CYFIP1: variants seen among roughly 807,000 people sequenced by gnomAD.
CYFIP1 encodes cytoplasmic FMR1 interacting protein 1.
Under a neutral mutation model 163.5 loss-of-function variants are expected in CYFIP1, and 58 were observed. The observed-to-expected ratio is 0.35, with a 90% CI of 0.29 to 0.44. The LOEUF (loss-of-function observed/expected upper bound fraction) is 0.44, where lower values mean the gene tolerates loss of function less well. Ranked by LOEUF, CYFIP1 falls within the 20% of genes least tolerant of loss-of-function variation. The probability of loss-of-function intolerance (pLI) is 1.00; values close to 1 mark genes in which losing one functional copy is unlikely to be tolerated. For missense variants in CYFIP1, 1,338 were observed against 1,653.8 expected, an observed-to-expected ratio of 0.81 and a Z score of 3.31; for synonymous variants, 663 against 660.7, an observed-to-expected ratio of 1.00 and a Z score of -0.05.
intron 1 of CYFIP1, among the ~76,000 whole-genome samples, chr15:22,969,539 C>A (rs1385553748): frequency 6.6e-6 from 1 of 152,282 alleles, no homozygotes; most frequent in South Asian, 2.1e-4. Context: ...GCTCTGAAAT[C>A]CTTCTATTAG....
chr15:22,893,668 T>C (rs974812208), intron 22 of CYFIP1, among the ~76,000 whole-genome samples: 8 of 152,192 alleles, frequency 5.3e-5, no homozygotes, highest in Admixed American at 1.3e-4. Context: ...CCACACAATG[T>C]GTGCATCTGA....
chr15:22,887,691 C>A (rs2059964099), intron 23 of CYFIP1, among the ~76,000 whole-genome samples: 2 of 152,144 alleles, frequency 1.3e-5, no homozygotes, highest in South Asian at 4.1e-4. Flanking sequence ...AGAGACAACA[C>A]AGCTAGGGTA....
intron 12 of CYFIP1, among the ~76,000 whole-genome samples, chr15:22,926,975 T>C (rs1179698746): frequency 6.6e-6 from 1 of 152,224 alleles, no homozygotes; most frequent in Non-Finnish European, 1.5e-5. Context: ...ACATGTATCC[T>C]GAAACTATGT....
At position 22,914,881 on chromosome 15, in the gene CYFIP1, T is replaced by A; in HGVS notation, c.1830A>T (p.Glu610Asp). The change falls in exon 17 of 31, where the codon GAA becomes GAT. Residue 610 changes from glutamate to aspartate, a missense_variant and splice_region_variant. Coordinates refer to ENST00000617928, the MANE Select transcript of CYFIP1 (RefSeq NM_014608.6). ...FFYTHLINFS[E>D]TLQQCCDLSQ... ...AAAGGTCACAGCACTGCTGCAGCGTTTCTGGGAGGGTTCAAACAACTCCAT... is the reference window on the plus strand; with the variant it reads ...AAAGGTCACAGCACTGCTGCAGCGTATCTGGGAGGGTTCAAACAACTCCAT... The A allele has an allele frequency of 6.2e-7, 1 of 1,605,580 alleles. No individual in the cohort carries two copies. Among genetic ancestry groups the A allele is most frequent in the Non-Finnish European group, 8.5e-7 (1 of 1,176,784 alleles).
chr15:22,926,324 G>A (rs2061356631), intron 12 of CYFIP1, among the ~76,000 whole-genome samples: 1 of 152,112 alleles, frequency 6.6e-6, no homozygotes, highest in African/African-American at 2.4e-5. Context: ...CCGGCAAAAT[G>A]GCCTGGATAG....
chr15:22,946,159 A>G (rs548734935), intron 3 of CYFIP1, among the ~76,000 whole-genome samples: 2 of 151,950 alleles, frequency 1.3e-5, no homozygotes, highest in East Asian at 3.9e-4. Context: ...AAAAAAGTAG[A>G]TGGGCATGGT....
In CYFIP1 at chr15:22,870,192, G is replaced by C; in HGVS notation, c.3598C>G (p.Pro1200Ala). 1.9e-6 allele frequency: 3 copies of C among 1,604,436 alleles called. No homozygotes were observed. Among genetic ancestry groups the C allele is most frequent in the Non-Finnish European group, 2.5e-6 (3 of 1,176,574 alleles). Residue 1200 changes from proline (P) to alanine (A), a missense_variant and splice_region_variant, in exon 31 of 31, where the codon CCT (proline) becomes GCT (alanine). Transcript: ENST00000617928. The part of the protein sequence containing the change: ...DGKDEIIKNV[P>A]LKKMVERIRK... ...ATTCTCTCCACCATCTTCTTCAAAG[G>C]CTACAACCATCAAAGTGAGGATGTT...
chr15:22,913,255 G>T (rs1454956689), intron 17 of CYFIP1, among the ~76,000 whole-genome samples: 1 of 150,792 alleles, frequency 6.6e-6, no homozygotes, highest in Non-Finnish European at 1.5e-5. Context: ...TGGACTGGGC[G>T]CGGTGACTCA....
chr15:22,885,255 A>G (rs1262533576), intron 23 of CYFIP1, among the ~76,000 whole-genome samples: 1 of 152,160 alleles, frequency 6.6e-6, no homozygotes, highest in Non-Finnish European at 1.5e-5. Context: ...CTCCAATTTC[A>G]GATCTCTCTC....
intron 10 of CYFIP1, 40 bp from the exon 11 acceptor site, chr15:22,932,380 C>A: frequency 6.9e-7 from 1 of 1,459,260 alleles, no homozygotes; most frequent in East Asian, 2.5e-5. Flanking sequence ...TGCGGAGGCG[C>A]CGGCAGGCCA....
intron 26 of CYFIP1, chr15:22,875,482 T>C (rs903870176): frequency 1.6e-5 from 9 of 579,126 alleles, no homozygotes; most frequent in Non-Finnish European, 2.5e-5. Context: ...TAGTAAGTAC[T>C]TGGAATGTGG....
chr15:22,872,001 A>G (rs902055096), intron 30 of CYFIP1, among the ~76,000 whole-genome samples: 3 of 152,126 alleles, frequency 2.0e-5, no homozygotes, highest in Non-Finnish European at 4.4e-5. Context: ...GCAATAGAAA[A>G]CTAATACAAC....
chr15:22,972,565 CAACTGATTTTTAACAAAGGTGCCAAG>C (rs1168830308), intron 1 of CYFIP1, among the ~76,000 whole-genome samples: 1 of 152,128 alleles, frequency 6.6e-6, no homozygotes, highest in Non-Finnish European at 1.5e-5. Context: ...CATTTGCAGC[CAACTGATTTTTAACAAAGGTGCCAAG>C]AACACACAAT....
chr15:22,946,806 T>C (rs1047823911), intron 3 of CYFIP1, 197 bp downstream of exon 3: 9 of 701,202 alleles, frequency 1.3e-5, no homozygotes, highest in Admixed American at 2.0e-5. Context: ...GCCAGAGACA[T>C]TGAATTTTCA....
chr15:22,953,533 C>T (rs771537878), intron 1 of CYFIP1, among the ~76,000 whole-genome samples: 3 of 152,126 alleles, frequency 2.0e-5, no homozygotes, highest in Non-Finnish European at 4.4e-5. Flanking sequence ...AGCCTCTAGT[C>T]TCCTTCTGTG....
Position 22,917,280 on chromosome 15 carries a change from C to G in CYFIP1, c.1674+508G>C, listed in dbSNP as rs761297525. The G allele has an allele frequency of 1.5e-6, 2 of 1,376,112 alleles. No individual in the cohort carries two copies. Among genetic ancestry groups the G allele is most frequent in the Non-Finnish European group, 1.9e-6 (2 of 1,071,202 alleles). The allele number at this position is 1,376,112 out of a possible 1,614,324, so 85.2% of individuals were successfully genotyped here. A position where few individuals can be genotyped will look rare whatever the true frequency, so the allele number is the denominator to read the frequency against. On this transcript the variant is annotated intron_variant, in intron 15 of 30. Transcript: ENST00000617928. The surrounding 1 kb of genome is among the most constrained non-coding windows in gnomAD (Gnocchi z 4.2). ...ATGAGGGAGAAGACCAGCCCCAGGACGGAGGACAGACGCAGCGGTGTGGAT... is the reference window on the plus strand; with the variant it reads ...ATGAGGGAGAAGACCAGCCCCAGGAGGGAGGACAGACGCAGCGGTGTGGAT...
chr15:22,914,755 G>C lies in CYFIP1; in HGVS notation c.1956C>G (p.Ile652Met). Residue 652 changes from isoleucine (I) to methionine (M), a missense_variant, in exon 17 of 31, where the codon ATC becomes ATG. Ile to Met is a conservative substitution (Grantham distance 10). This residue lies in a region of CYFIP1 where 824 missense variants were observed against 995.7 expected (regional missense o/e 0.83). Coordinates refer to ENST00000617928, the MANE Select transcript of CYFIP1 (RefSeq NM_014608.6). ...MSMPWILTDH[I>M]LETKEASMME... ...TCATCGATGCCTCCTTGGTCTCCAG[G>C]ATGTGGTCCGTCAGGATCCAGGGCA... 6.2e-7 allele frequency: 1 copy of C among 1,613,444 alleles called. No individual in the cohort carries two copies. Among genetic ancestry groups the C allele is most frequent in the Non-Finnish European group, 8.5e-7 (1 of 1,179,686 alleles).
In CYFIP1 at chr15:22,903,456, C is replaced by G. The variant is rs74003076; in HGVS notation, c.2588+250G>C. Among the ~76,000 whole-genome samples, 1,117 of 152,328 alleles carry G rather than the reference C, an allele frequency of 7.3e-3. 11 individuals are homozygous for G. Among genetic ancestry groups the G allele is most frequent in the African/African-American group, 0.025 (1,049 of 41,572 alleles). On this transcript the variant is annotated intron_variant, in intron 22 of 30. Coordinates refer to ENST00000617928, the MANE Select transcript of CYFIP1 (RefSeq NM_014608.6). ...GACTCACCCCACTTCCACCATCAGGCAAACAGAAAGCCAGGAGATGCAGCC... is the reference window on the plus strand; with the variant it reads ...GACTCACCCCACTTCCACCATCAGGGAAACAGAAAGCCAGGAGATGCAGCC...
chr15:22,894,278 CTTTTTT>C (rs57603773), intron 22 of CYFIP1, among the ~76,000 whole-genome samples: 6 of 65,456 alleles, frequency 9.2e-5, no homozygotes, highest in Non-Finnish European at 1.7e-4. Context: ...GCAGACTTTT[CTTTTTT>C]TTTTTTTTTT....
Sources: gnomAD v4.1 joint callset for allele counts (sites outside exome capture counted in the v4.1 genomes callset) on GRCh38, gnomAD v4.1.1 for gene constraint, gnomAD v4.1.1 regional missense constraint, Gnocchi (gnomAD v3.1) non-coding constraint, MANE v1.5 for transcripts, NCBI Gene and HGNC (gene_info 2026-07-23, HGNC 2026-07-21) for gene names.